The following BABAM2 variants were observed in gnomAD, a reference collection of about 807,000 sequenced individuals.
BABAM2 encodes BRISC and BRCA1-A complex member 2.
In BABAM2, 31 loss-of-function variants were observed where a neutral mutation model predicts 54.7. The ratio of observed to expected loss-of-function variants is 0.57; its 90% CI spans 0.43 to 0.77. BABAM2 has a LOEUF of 0.77. Ranked by LOEUF, BABAM2 falls within the 30% of genes least tolerant of loss-of-function variation. The probability of loss-of-function intolerance (pLI) is 0.00; values close to 1 mark genes in which losing one functional copy is unlikely to be tolerated. For missense variants in BABAM2, 364 were observed against 455.8 expected (o/e 0.80, Z 1.83); for synonymous variants, 167 against 162.9 (o/e 1.03, Z -0.19).
intron 10 of BABAM2, among the ~76,000 whole-genome samples, chr2:28,297,137 G>A (rs1217803832): frequency 2.0e-5 from 3 of 152,208 alleles, no homozygotes; most frequent in African/African-American, 7.2e-5. Flanking sequence ...CTCTGGAGTA[G>A]GAGAAGGCAA....
intron 5 of BABAM2, among the ~76,000 whole-genome samples, chr2:28,026,897 A>ATATATATAAAT (rs1558667588): frequency 4.9e-5 from 1 of 20,578 alleles, no homozygotes; most frequent in Non-Finnish European, 1.2e-4. Context: ...GATATATATA[A>ATATATATAAAT]ATATATATAA....
intron 3 of BABAM2, among the ~76,000 whole-genome samples, chr2:27,959,860 T>C (rs1670346396): frequency 6.6e-6 from 1 of 152,206 alleles, no homozygotes; most frequent in African/African-American, 2.4e-5. Context: ...TCAGTGAATG[T>C]TGGCTAGAGC....
intron 7 of BABAM2, among the ~76,000 whole-genome samples, chr2:28,235,942 G>A (rs556063031): frequency 6.6e-6 from 1 of 152,206 alleles, no homozygotes; most frequent in East Asian, 1.9e-4. Flanking sequence ...TTATAGTCAT[G>A]AGCCACTGCA....
intron 2 of BABAM2, among the ~76,000 whole-genome samples, chr2:27,922,662 T>TA (rs1228452938): frequency 2.6e-5 from 4 of 152,208 alleles, no homozygotes; most frequent in Non-Finnish European, 5.9e-5. Flanking sequence ...GCATAGTTTT[T>TA]ATCCAAAATC....
intron 4 of BABAM2, chr2:28,016,457 G>A: frequency 7.6e-7 from 1 of 1,318,944 alleles, no homozygotes. Context: ...GTTCATATAG[G>A]CTACCCATTT....
At chr2:28,296,325 C>T (rs1051296636) in intron 10 of BABAM2, among the ~76,000 whole-genome samples, 1 of 152,204 alleles carries the variant, frequency 6.6e-6, no homozygotes, top group South Asian at 2.1e-4. Context: ...TATGAACTCT[C>T]TGCTTTGGCA....
At chr2:27,904,839 G>A (rs1003576386) in intron 2 of BABAM2, among the ~76,000 whole-genome samples, 1 of 152,038 alleles carries the variant, frequency 6.6e-6, no homozygotes, top group African/African-American at 2.4e-5. Flanking sequence ...CCCTTTCTTA[G>A]GATGCTAGTG....
intron 7 of BABAM2, among the ~76,000 whole-genome samples, chr2:28,213,445 C>T (rs1679652331): frequency 1.3e-5 from 2 of 151,762 alleles, no homozygotes; most frequent in South Asian, 4.2e-4. Context: ...ATTTCAGTAA[C>T]TTAATATATG....
intron 6 of BABAM2, among the ~76,000 whole-genome samples, chr2:28,105,868 T>G (rs1324790634): frequency 3.3e-5 from 5 of 152,070 alleles, no homozygotes; most frequent in African/African-American, 1.2e-4. Context: ...ATCATGCAAC[T>G]TAGTATAAAT....
chr2:28,059,884 A>C (rs890415480), intron 6 of BABAM2, among the ~76,000 whole-genome samples: 3 of 152,206 alleles, frequency 2.0e-5, no homozygotes, highest in African/African-American at 7.2e-5. Flanking sequence ...TCCCACCATG[A>C]AAACTTTAGG....
chr2:28,178,873 A>T (rs1675312907), intron 7 of BABAM2, among the ~76,000 whole-genome samples: 1 of 152,048 alleles, frequency 6.6e-6, no homozygotes. Context: ...ATATACTAAT[A>T]CACTGGAAAA....
intron 11 of BABAM2, among the ~76,000 whole-genome samples, chr2:28,321,909 T>C (rs1018413847): frequency 1.3e-5 from 2 of 151,648 alleles, no homozygotes; most frequent in African/African-American, 4.9e-5. Context: ...TTCTCAAGTT[T>C]AGCACCAAAT....
chr2:28,144,614 A>G (rs928390914), intron 7 of BABAM2, among the ~76,000 whole-genome samples: 6 of 152,176 alleles, frequency 3.9e-5, no homozygotes, highest in African/African-American at 1.4e-4. Context: ...CTCCTTCTCT[A>G]AAGTTTTTAT....
intron 2 of BABAM2, among the ~76,000 whole-genome samples, chr2:27,928,110 C>T (rs1008567269): frequency 9.9e-5 from 15 of 152,120 alleles, no homozygotes; most frequent in Non-Finnish European, 2.2e-4. Flanking sequence ...CTCCCGTGTT[C>T]AAGCAATTCG....
At chr2:28,242,766 TAATGGAATTTTTCATTTCTCCG>T (rs1682563248) in intron 9 of BABAM2, among the ~76,000 whole-genome samples, 2 of 152,184 alleles carry the variant, frequency 1.3e-5, no homozygotes, top group Non-Finnish European at 2.9e-5. Flanking sequence ...CTCATTCCCA[TAATGGAATTTTTCATTTCTCCG>T]AAATAGAAGT....
At chr2:27,899,909 A>G (rs2148273732) in intron 2 of BABAM2, among the ~76,000 whole-genome samples, 1 of 152,370 alleles carries the variant, frequency 6.6e-6, no homozygotes, top group East Asian at 1.9e-4. Flanking sequence ...ATGATGTGAA[A>G]GACCTTGTTA....
intron 10 of BABAM2, among the ~76,000 whole-genome samples, chr2:28,274,344 T>C (rs1685690641): frequency 6.6e-6 from 1 of 152,254 alleles, no homozygotes; most frequent in Admixed American, 6.5e-5. Flanking sequence ...TCTGTTATCT[T>C]GAATGGTTCC....
At chr2:28,269,576 T>C (rs190453718) in intron 10 of BABAM2, among the ~76,000 whole-genome samples, 17 of 152,326 alleles carry the variant, frequency 1.1e-4, no homozygotes, top group Non-Finnish European at 1.5e-5. Context: ...TGTTCCCTTC[T>C]CATACAGCAA....
chr2:28,190,036 A>G (rs2147915758), intron 7 of BABAM2, among the ~76,000 whole-genome samples: 1 of 152,366 alleles, frequency 6.6e-6, no homozygotes, highest in East Asian at 1.9e-4. Context: ...AGGTAGTTCA[A>G]TAGAGAAAGG....
Sources: gnomAD v4.1 joint callset for allele counts (sites outside exome capture counted in the v4.1 genomes callset) on GRCh38, gnomAD v4.1.1 for gene constraint, MANE v1.5 for transcripts, NCBI Gene and HGNC (gene_info 2026-07-23, HGNC 2026-07-21) for gene names.